RHOU: variants seen among roughly 807,000 people sequenced by gnomAD.
RHOU encodes the protein ras homolog family member U, also known as rho-related GTP-binding protein RhoU.
RHOU carries 8 observed loss-of-function variants against 12.6 expected under a neutral mutation model. The ratio of observed to expected loss-of-function variants is 0.64; its 90% CI spans 0.37 to 1.15. RHOU has a LOEUF of 1.15. RHOU is among the 50% of genes most tolerant of loss of function. The pLI is 0.01. For missense variants in RHOU, 258 were observed against 347.0 expected (o/e 0.74, Z 2.04); for synonymous variants, 161 against 147.4 (o/e 1.09, Z -0.67).
chr1:228,654,221 C>T, the RHOU span, among the ~76,000 whole-genome samples: 2 of 151,840 alleles, frequency 1.3e-5, no homozygotes, highest in African/African-American at 2.4e-5. Context: ...GATTCTCTTG[C>T]CTCCACTTCC....
the RHOU span, chr1:228,687,946 C>T: frequency 1.5e-6 from 1 of 682,618 alleles, no homozygotes; most frequent in Non-Finnish European, 2.7e-6. Flanking sequence ...TCCCTCTGTC[C>T]CTTCCTTCCT....
the RHOU span, among the ~76,000 whole-genome samples, chr1:228,669,828 A>G: frequency 6.6e-6 from 1 of 152,194 alleles, no homozygotes; most frequent in East Asian, 1.9e-4. Context: ...ATTCTCTCAA[A>G]GTCATAGTGA....
In RHOU at chr1:228,735,895, G is replaced by C; in HGVS notation, c.153G>C (p.Lys51Asn). The change falls in exon 1 of 3, where the codon AAG becomes AAC. Residue 51 changes from lysine to asparagine, a missense_variant. Physicochemically the swap from Lys to Asn is moderately conservative, Grantham distance 94. Transcript: ENST00000366691. The surrounding 1 kb of genome is among the most constrained non-coding windows in gnomAD (Gnocchi z 8.1). ...RAGGAEGRGV[K>N]CVLVGDGAVG... ...GGGGTGCCGAGGGGCGCGGCGTCAAGTGCGTGCTGGTCGGCGACGGCGCGG... is the reference window on the plus strand; with the variant it reads ...GGGGTGCCGAGGGGCGCGGCGTCAACTGCGTGCTGGTCGGCGACGGCGCGG... 1 of 1,553,294 alleles carries C rather than the reference G, an allele frequency of 6.4e-7. No individual in the cohort carries two copies. The highest frequency in any genetic ancestry group is 1.4e-5 in the African/African-American group (1 of 70,464).
chr1:228,737,659 G>GT lies in RHOU; in HGVS notation c.263-10dup. ...AAGACACCTCCTGATTGTCATTTTG[G>GT]TTTTGTTTTTAAGCGGTGGTGTCTG... On this transcript the variant is annotated splice_polypyrimidine_tract_variant and intron_variant, in intron 1 of 2. Transcript: ENST00000366691. The surrounding 1 kb of genome is among the most constrained non-coding windows in gnomAD (Gnocchi z 4.1). The GT allele has an allele frequency of 6.2e-7, 1 of 1,614,040 alleles. No individual in the cohort carries two copies. The highest frequency in any genetic ancestry group is 8.5e-7 in the Non-Finnish European group (1 of 1,179,916).
the RHOU span, among the ~76,000 whole-genome samples, chr1:228,690,639 A>G: frequency 1.5e-5 from 2 of 131,220 alleles, no homozygotes; most frequent in Non-Finnish European, 3.2e-5. Context: ...TTTTTTTGAG[A>G]TGGAGTTTTG....
the RHOU span, among the ~76,000 whole-genome samples, chr1:228,708,705 T>C: frequency 6.6e-6 from 1 of 152,012 alleles, no homozygotes; most frequent in African/African-American, 2.4e-5. Flanking sequence ...TGCAAAATCA[T>C]GCCAAAATGT....
the RHOU span, among the ~76,000 whole-genome samples, chr1:228,697,515 A>G: frequency 6.6e-6 from 1 of 152,176 alleles, no homozygotes; most frequent in African/African-American, 2.4e-5. Context: ...GGACTTCTCT[A>G]GGGCAGTGCA....
At chr1:228,687,425 G>A in the RHOU span, 3 of 1,346,620 alleles carry the variant, frequency 2.2e-6, no homozygotes, top group Non-Finnish European at 3.2e-6. Flanking sequence ...CTGCCTTGAA[G>A]AACTTTGCCA....
the RHOU span, among the ~76,000 whole-genome samples, chr1:228,667,230 C>T: frequency 6.6e-6 from 1 of 152,092 alleles, no homozygotes; most frequent in Non-Finnish European, 1.5e-5. Flanking sequence ...AGAGACTGAC[C>T]CCATCCTTGG....
the RHOU span, among the ~76,000 whole-genome samples, chr1:228,716,159 C>T: frequency 6.6e-6 from 1 of 152,140 alleles, no homozygotes; most frequent in Non-Finnish European, 1.5e-5. Context: ...CTCAAGCGAT[C>T]CTCCTGCATT....
chr1:228,683,810 G>A, the RHOU span, among the ~76,000 whole-genome samples: 83 of 152,352 alleles, frequency 5.4e-4, no homozygotes, highest in Middle Eastern at 0.014. Context: ...GGGTGGGCAA[G>A]ATGGATTTCC....
chr1:228,687,546 T>C, the RHOU span: 3 of 1,564,222 alleles, frequency 1.9e-6, no homozygotes, highest in Admixed American at 1.7e-5. Flanking sequence ...GAAACCAGAC[T>C]GTGATGACTG....
chr1:228,740,511 A>C (rs1211659336), intron 2 of RHOU, among the ~76,000 whole-genome samples: 3 of 152,212 alleles, frequency 2.0e-5, no homozygotes, highest in African/African-American at 7.2e-5. Context: ...CCATTTATAA[A>C]TTAGTCTTTG....
At chr1:228,650,952 A>G in the RHOU span, 1 of 361,024 alleles carries the variant, frequency 2.8e-6, no homozygotes, top group African/African-American at 2.2e-5. Flanking sequence ...TCTCACTTTC[A>G]AGAAGCAATA....
the RHOU span, among the ~76,000 whole-genome samples, chr1:228,648,558 C>T: frequency 6.6e-6 from 1 of 152,182 alleles, no homozygotes; most frequent in South Asian, 2.1e-4. Flanking sequence ...CTTCACCCAC[C>T]CAGAGCCGTT....
the RHOU span, among the ~76,000 whole-genome samples, chr1:228,699,414 T>G: frequency 7.8e-6 from 1 of 129,006 alleles, no homozygotes; most frequent in Non-Finnish European, 1.5e-5. Context: ...CACCACTGCA[T>G]TCCAGCCTGG....
chr1:228,700,665 A>G, the RHOU span, among the ~76,000 whole-genome samples: 4 of 152,224 alleles, frequency 2.6e-5, no homozygotes, highest in East Asian at 5.8e-4. Flanking sequence ...AAATATACCA[A>G]GACATGTCAG....
chr1:228,687,451 A>G, the RHOU span: 12 of 1,508,008 alleles, frequency 8.0e-6, no homozygotes, highest in Non-Finnish European at 1.0e-5. Context: ...TTTCTTCACC[A>G]ATCTCATGAG....
chr1:228,724,334 C>T, the RHOU span, among the ~76,000 whole-genome samples: 3 of 152,144 alleles, frequency 2.0e-5, no homozygotes, highest in Admixed American at 6.5e-5. Flanking sequence ...CAGATTTATT[C>T]AGGTATAACT....
Sources: allele counts gnomAD v4.1 joint callset (sites outside exome capture counted in the v4.1 genomes callset), GRCh38; gene constraint gnomAD v4.1.1; non-coding constraint Gnocchi (gnomAD v3.1); transcripts MANE v1.5; gene names NCBI Gene and HGNC (gene_info 2026-07-23, HGNC 2026-07-21).